Variants in TMEM259 observed in about 807,000 individuals in gnomAD.
The protein encoded by TMEM259 is transmembrane protein 259, also known as membralin.
Under a neutral mutation model 46.7 loss-of-function variants are expected in TMEM259, and 26 were observed. That is an observed-to-expected ratio of 0.56 (90% CI 0.41 to 0.77). The LOEUF (loss-of-function observed/expected upper bound fraction) is 0.77, where lower values mean the gene tolerates loss of function less well. TMEM259 is among the 30% of genes least tolerant of loss of function. The pLI is 0.00. For missense variants in TMEM259, 930 were observed against 900.5 expected, an observed-to-expected ratio of 1.03 and a Z score of -0.42; for synonymous variants, 494 against 395.1, an observed-to-expected ratio of 1.25 and a Z score of -2.97.
chr19:1,014,987 A>G (rs1196451958), intron 1 of TMEM259, among the ~76,000 whole-genome samples: 2 of 152,210 alleles, frequency 1.3e-5, no homozygotes, highest in African/African-American at 4.8e-5. Context: ...AGCTGGACCC[A>G]CTGTCTACGA....
In TMEM259 at chr19:1,012,516, A is replaced by T; in HGVS notation, c.665T>A (p.Leu222Gln). The change falls in exon 4 of 11, where the codon CTG (leucine) becomes CAG (glutamine). Residue 222 changes from leucine to glutamine, a missense_variant. Physicochemically the swap from Leu to Gln is moderately radical, Grantham distance 113 (BLOSUM62 -2). Transcript: ENST00000356663. ...EYSLEYGFLR[L>Q]SQATRQRLSI... ...CAGGCGCTGGCGGGTGGCCTGCGACAGGCGAAGGAAGCCATACTCTAGTGA... is the reference window on the plus strand; with the variant it reads ...CAGGCGCTGGCGGGTGGCCTGCGACTGGCGAAGGAAGCCATACTCTAGTGA... 1.2e-6 allele frequency: 2 copies of T among 1,600,532 alleles called. No individual in the cohort carries two copies. Among genetic ancestry groups the T allele is most frequent in the Non-Finnish European group, 1.7e-6 (2 of 1,175,304 alleles).
chr19:1,012,652 G>C, intron 3 of TMEM259, 79 bp from the exon 4 acceptor site: 1 of 1,507,190 alleles, frequency 6.6e-7, no homozygotes, highest in Non-Finnish European at 8.9e-7. Context: ...GGCAGGCGTT[G>C]AGGGGTGGAG....
chr19:1,014,271 T>TCCACGGCCAGGCCCGGGAAGCTC lies in TMEM259; in HGVS notation c.405_427dup (p.Glu143GlyfsTer24). On this transcript the variant is annotated frameshift_variant, in exon 2 of 11. Coordinates refer to ENST00000356663, the MANE Select transcript of TMEM259 (RefSeq NM_001033026.2). LOFTEE classifies it high-confidence loss of function. ...TTCCATGTCCAGGTTGCTGCCTGGT[T>TCCACGGCCAGGCCCGGGAAGCTC]CCACGGCCAGGCCCGGGAAGCTCCC... 1 of 1,613,122 alleles carries TCCACGGCCAGGCCCGGGAAGCTC rather than the reference T, an allele frequency of 6.2e-7. No homozygotes were observed. Among genetic ancestry groups the TCCACGGCCAGGCCCGGGAAGCTC allele is most frequent in the Non-Finnish European group, 8.5e-7 (1 of 1,179,824 alleles).
chr19:1,010,164 C>G lies in TMEM259; in HGVS notation c.*186G>C. The G allele has an allele frequency of 1.7e-6, 1 of 573,456 alleles. No homozygotes were observed. Among genetic ancestry groups the G allele is most frequent in the South Asian group, 2.6e-5 (1 of 38,746 alleles). 35.5% of individuals were successfully genotyped at this position (573,456 alleles called of 1,614,324 possible). ...CAAACACCTCACTAGCGGGTACAAGCCTCGGGCGCGACCTCACACCAGGGG... is the reference window on the plus strand; with the variant it reads ...CAAACACCTCACTAGCGGGTACAAGGCTCGGGCGCGACCTCACACCAGGGG... On this transcript the variant is annotated 3_prime_UTR_variant, in exon 11 of 11. Transcript: ENST00000356663.
At chr19:1,015,783 G>A (rs2039087439) in intron 1 of TMEM259, among the ~76,000 whole-genome samples, 1 of 152,178 alleles carries the variant, frequency 6.6e-6, no homozygotes, top group African/African-American at 2.4e-5. Flanking sequence ...GCCACCTGTG[G>A]CCGCACAGCC....
At chr19:1,017,272 A>G (rs575818365) in intron 1 of TMEM259, 1 of 399,716 alleles carries the variant, frequency 2.5e-6, no homozygotes, top group East Asian at 3.6e-5. Flanking sequence ...CTCCCCAGGG[A>G]GCTCACCTGC....
At position 1,009,865 on chromosome 19, in the gene TMEM259, TGCTCTCCCGGGGACCCCAAGCCTGGC is replaced by T. The variant is rs1223859791; in HGVS notation, c.*459_*484del. ...GTCCCTATGCCCGAGGCGCAAGCTC[TGCTCTCCCGGGGACCCCAAGCCTGGC>T]GCACACGCGGGGAGGGCGGGGCCAT... On this transcript the variant is annotated 3_prime_UTR_variant, in exon 11 of 11. Transcript: ENST00000356663. 2 of 397,382 alleles carry T rather than the reference TGCTCTCCCGGGGACCCCAAGCCTGGC, an allele frequency of 5.0e-6. No homozygotes were observed. The highest frequency in any genetic ancestry group is 8.9e-6 in the Non-Finnish European group (2 of 224,004). The allele number at this position is 397,382 out of a possible 1,614,324, so 24.6% of individuals were successfully genotyped here. A position where few individuals can be genotyped will look rare whatever the true frequency, so the allele number is the denominator to read the frequency against.
intron 3 of TMEM259, 92 bp downstream of exon 3, chr19:1,013,149 G>A (rs3815170): frequency 0.18 from 198,147 of 1,126,370 alleles, 18,412 homozygotes; most frequent in South Asian, 0.24. Context: ...CAGCCAGCAG[G>A]CTGGGGATGT....
chr19:1,012,025 C>A (rs114980668), intron 5 of TMEM259, 33 bp from the exon 6 acceptor site: 10 of 1,611,680 alleles, frequency 6.2e-6, no homozygotes, highest in African/African-American at 2.7e-5. Context: ...CGCCCGCCCC[C>A]ACCCGCGCCC....
In TMEM259 at chr19:1,020,819, A is replaced by G; in HGVS notation, c.178T>C (p.Phe60Leu). The change falls in exon 1 of 11, where the codon TTC (phenylalanine) becomes CTC (leucine). Residue 60 changes from phenylalanine (F) to leucine (L), a missense_variant. By Grantham distance (22) the Phe-to-Leu change is conservative (BLOSUM62 0). Transcript: ENST00000356663. This position sits in a 1 kb window ranked among gnomAD's most constrained non-coding sequence, Gnocchi z 4.0. Reference protein sequence around the residue: ...FKMAVTYSRLFPPAFRRLFEF... With the variant: ...FKMAVTYSRLLPPAFRRLFEF... ...AAGAGACGGCGGAAGGCGGGCGGGA[A>G]GAGCCGCGAATAGGTGACAGCCATC... The G allele has an allele frequency of 7.3e-7, 1 of 1,364,632 alleles. No homozygotes were observed. 84.5% of individuals were successfully genotyped at this position (1,364,632 alleles called of 1,614,324 possible). A position where few individuals can be genotyped will look rare whatever the true frequency, so the allele number is the denominator to read the frequency against.
At chr19:1,014,847 C>T (rs372696794) in intron 1 of TMEM259, among the ~76,000 whole-genome samples, 1 of 152,154 alleles carries the variant, frequency 6.6e-6, no homozygotes, top group Non-Finnish European at 1.5e-5. Flanking sequence ...GCACACAGGA[C>T]CCCCCAAACC....
chr19:1,013,411 G>C (rs550573502), intron 2 of TMEM259, 71 bp from the exon 3 acceptor site: 16 of 1,486,518 alleles, frequency 1.1e-5, no homozygotes, highest in Non-Finnish European at 1.5e-5. Context: ...TGAGGATACA[G>C]TCCTGCTAAT....
chr19:1,019,580 G>T (rs865897506), intron 1 of TMEM259, among the ~76,000 whole-genome samples: 1 of 152,170 alleles, frequency 6.6e-6, no homozygotes, highest in African/African-American at 2.4e-5. Flanking sequence ...GGCCTTCCGT[G>T]AAGTGGCAGC....
Position 1,012,192 on chromosome 19 carries a change from CG to C in TMEM259, c.719-5del, listed in dbSNP as rs1568402103. The stretch of plus-strand genomic sequence containing the variant: ...AAGCACTGGTCCCGCGTGGGGTCTG[CG>C]GGTGGGTGAATCAGGGAGCCGGGAG... On this transcript the variant is annotated splice_region_variant and splice_polypyrimidine_tract_variant and intron_variant, in intron 4 of 10. Coordinates refer to ENST00000356663, the MANE Select transcript of TMEM259 (RefSeq NM_001033026.2). 2 of 1,596,110 alleles carry C rather than the reference CG, an allele frequency of 1.3e-6. No individual in the cohort carries two copies. Among genetic ancestry groups the C allele is most frequent in the Admixed American group, 1.7e-5 (1 of 57,838 alleles).
At chr19:1,015,944 C>A (rs890243602) in intron 1 of TMEM259, among the ~76,000 whole-genome samples, 1 of 152,348 alleles carries the variant, frequency 6.6e-6, no homozygotes, top group Admixed American at 6.5e-5. Context: ...GTGGGAGGCC[C>A]TGAGTCTGAG....
rs1391932604 is a variant in TMEM259 at position 1,010,242 on chromosome 19, C to A, written c.*108G>T. The A allele has an allele frequency of 1.8e-6, 2 of 1,092,784 alleles. No homozygotes were observed. Among genetic ancestry groups the A allele is most frequent in the East Asian group, 6.0e-5 (2 of 33,200 alleles). 67.7% of individuals were successfully genotyped at this position (1,092,784 alleles called of 1,614,324 possible). A position where few individuals can be genotyped will look rare whatever the true frequency, so the allele number is the denominator to read the frequency against. Reference sequence around the variant, plus strand: ...CACGAAACCCTGAAAGCCCCCGACACAGGCTGGGCAGTCCCAGAGGAAGGA... The same window carrying A: ...CACGAAACCCTGAAAGCCCCCGACAAAGGCTGGGCAGTCCCAGAGGAAGGA... On this transcript the variant is annotated 3_prime_UTR_variant, in exon 11 of 11. Coordinates refer to ENST00000356663, the MANE Select transcript of TMEM259 (RefSeq NM_001033026.2).
At position 1,010,385 on chromosome 19, in the gene TMEM259, C is replaced by T. The variant is rs1351621574; in HGVS notation, c.1828G>A (p.Ala610Thr). 8 of 1,508,554 alleles carry T rather than the reference C, an allele frequency of 5.3e-6. No homozygotes were observed. Among genetic ancestry groups the T allele is most frequent in the Non-Finnish European group, 4.4e-6 (5 of 1,135,878 alleles). The allele number at this position is 1,508,554 out of a possible 1,614,324, so 93.4% of individuals were successfully genotyped here. The part of the protein sequence containing the change: ...AVGGPSPASM[A>T]PTEAPSEVGS ...ACCTCCGAGGGCGCCTCCGTTGGGG[C>T]CATGGAGGCCGGGCTAGGCCCGCCT... The change falls in exon 11 of 11, where the codon GCC (alanine) becomes ACC (threonine). Residue 610 changes from alanine (A) to threonine (T), a missense_variant. Ala to Thr is a moderately conservative substitution (Grantham distance 58, BLOSUM62 0). Coordinates refer to ENST00000356663, the MANE Select transcript of TMEM259 (RefSeq NM_001033026.2).
Position 1,021,031 on chromosome 19 carries a change from G to A in TMEM259, c.-35C>T. On this transcript the variant is annotated 5_prime_UTR_variant, in exon 1 of 11. Coordinates refer to ENST00000356663, the MANE Select transcript of TMEM259 (RefSeq NM_001033026.2). ...CGTCGCGCCCTAACGACCCGCAAGTGTCCGAGGGCGCCTCCCGGCCGCCAT... is the reference window on the plus strand; with the variant it reads ...CGTCGCGCCCTAACGACCCGCAAGTATCCGAGGGCGCCTCCCGGCCGCCAT... 4 of 1,331,296 alleles carry A rather than the reference G, an allele frequency of 3.0e-6. No homozygotes were observed. The highest frequency in any genetic ancestry group is 3.9e-6 in the Non-Finnish European group (4 of 1,029,844). 82.5% of individuals were successfully genotyped at this position (1,331,296 alleles called of 1,614,324 possible). A position where few individuals can be genotyped will look rare whatever the true frequency, so the allele number is the denominator to read the frequency against.
Position 1,010,509 on chromosome 19 carries a change from G to A in TMEM259, c.1704C>T (p.Ser568=), listed in dbSNP as rs1054624626. Residue 568 remains serine, a synonymous_variant, in exon 11 of 11, where the codon AGC becomes AGT. Transcript: ENST00000356663. ...SASLLERRPA[S]PLGPAGGLPH... ...GGAGGCCCCCAGCAGGGCCCAGCGGGCTGGCTGGACGCCGCTCCAGGAGGG... is the reference window on the plus strand; with the variant it reads ...GGAGGCCCCCAGCAGGGCCCAGCGGACTGGCTGGACGCCGCTCCAGGAGGG... 5.8e-6 allele frequency: 9 copies of A among 1,547,724 alleles called. No homozygotes were observed. Among genetic ancestry groups the A allele is most frequent in the Non-Finnish European group, 7.9e-6 (9 of 1,146,460 alleles).
Sources: gnomAD v4.1 joint callset for allele counts (sites outside exome capture counted in the v4.1 genomes callset) on GRCh38, gnomAD v4.1.1 for gene constraint, Gnocchi (gnomAD v3.1) non-coding constraint, MANE v1.5 for transcripts, NCBI Gene and HGNC (gene_info 2026-07-23, HGNC 2026-07-21) for gene names.